Variants in PHF14 observed in about 807,000 individuals in gnomAD.
PHF14 encodes the protein PHD finger protein 14.
PHF14 carries 55 observed loss-of-function variants against 117.9 expected under a neutral mutation model. That is an observed-to-expected ratio of 0.47 (90% CI 0.38 to 0.58). The LOEUF (loss-of-function observed/expected upper bound fraction) is 0.58. Among genes scored for constraint, PHF14 ranks in the 20% least tolerant of loss-of-function variants. The pLI is 0.00. For synonymous variants in PHF14, 409 were observed against 368.6 expected (o/e 1.11, Z -1.26); for missense variants, 978 against 1,122.2 (o/e 0.87, Z 1.84).
intron 17 of PHF14, among the ~76,000 whole-genome samples, chr7:11,127,389 C>A (rs1462140103): frequency 6.6e-6 from 1 of 152,032 alleles, no homozygotes; most frequent in East Asian, 1.9e-4. Flanking sequence ...CCCATCCCAC[C>A]AACGCTGTCC....
intron 2 of PHF14, 25 bp from the exon 3 acceptor site, chr7:10,982,345 GTT>G: frequency 1.5e-6 from 2 of 1,316,896 alleles, no homozygotes; most frequent in South Asian, 1.6e-5. Context: ...CATATGTGTG[GTT>G]TTTTTTTTCT....
chr7:10,982,910 T>G lies in PHF14; in HGVS notation c.651T>G (p.Thr217=), dbSNP rs1405072523. Residue 217 remains threonine, a synonymous_variant, in exon 3 of 18, where the codon ACT becomes ACG. Transcript: ENST00000634607. ...AGGATGACAATGATTGGCGACCTAC[T>G]GTAGTAAAGAGAAAAGGGAGATCTG... ...DSEDDNDWRP[T]VVKRKGRSAS... 6.2e-7 allele frequency: 1 copy of G among 1,612,596 alleles called. No individual in the cohort carries two copies. The highest frequency in any genetic ancestry group is 8.5e-7 in the Non-Finnish European group (1 of 1,179,192).
At chr7:11,153,222 G>A (rs951460221) in intron 17 of PHF14, among the ~76,000 whole-genome samples, 8 of 152,122 alleles carry the variant, frequency 5.3e-5, no homozygotes, top group African/African-American at 1.7e-4. Flanking sequence ...AATTAAGATG[G>A]TAGCAGTGGA....
rs1288480010 is a variant in PHF14 at position 10,990,815 on chromosome 7, A to T, written c.1013A>T (p.Gln338Leu). 6.3e-7 allele frequency: 1 copy of T among 1,591,642 alleles called. No homozygotes were observed. Residue 338 changes from glutamine (Q) to leucine (L), a missense_variant, in exon 4 of 18, where the codon CAG becomes CTG. This residue lies in a region of PHF14 where 86 missense variants were observed against 137.8 expected (regional missense o/e 0.62). Transcript: ENST00000634607. ...AGTGAGGACGCTGATGAAATAATTCAGTGTGACAATTGTGGCATTACAGTC... is the reference window on the plus strand; with the variant it reads ...AGTGAGGACGCTGATGAAATAATTCTGTGTGACAATTGTGGCATTACAGTC... ...DNSEDADEII[Q>L]CDNCGITVHE...
intron 7 of PHF14, among the ~76,000 whole-genome samples, chr7:11,034,627 C>A (rs1370925617): frequency 8.1e-6 from 1 of 123,476 alleles, no homozygotes; most frequent in Admixed American, 1.1e-4. Context: ...CGGTTAATTA[C>A]AACATCTCCC....
chr7:11,136,044 T>C (rs1788212365), intron 17 of PHF14, among the ~76,000 whole-genome samples: 2 of 152,172 alleles, frequency 1.3e-5, no homozygotes, highest in African/African-American at 4.8e-5. Context: ...TTGGTATACA[T>C]AAGTAACATT....
Position 10,983,077 on chromosome 7 carries a change from G to A in PHF14, c.818G>A (p.Ser273Asn), listed in dbSNP as rs1447861008. 2 of 1,599,172 alleles carry A rather than the reference G, an allele frequency of 1.3e-6. No homozygotes were observed. The highest frequency in any genetic ancestry group is 1.7e-6 in the Non-Finnish European group (2 of 1,179,364). ...ASEGGCKKKK[S>N]KVLSRNSADD... is the part of the protein sequence containing the mutation. ...GAAGGGGGTTGCAAGAAGAAGAAGA[G>A]TAAAGTTCTTAGCAGAAACAGTGCT... Residue 273 changes from serine to asparagine, a missense_variant, in exon 3 of 18, where the codon AGT becomes AAT. Physicochemically the swap from Ser to Asn is conservative, Grantham distance 46 (BLOSUM62 1). This residue lies in a region of PHF14 where 414 missense variants were observed against 376.4 expected (regional missense o/e 1.10). Transcript: ENST00000634607.
At chr7:11,073,153 C>T (rs1785688052) in intron 16 of PHF14, among the ~76,000 whole-genome samples, 1 of 152,148 alleles carries the variant, frequency 6.6e-6, no homozygotes, top group Non-Finnish European at 1.5e-5. Flanking sequence ...ATTAACAGTC[C>T]TCCAAAGTCT....
chr7:10,983,216 A>T lies in PHF14; in HGVS notation c.900+57A>T, dbSNP rs942229175. 3 of 1,532,144 alleles carry T rather than the reference A, an allele frequency of 2.0e-6. No homozygotes were observed. In the African/African-American group the frequency reaches 4.1e-5, roughly 21 times the overall value. The allele number at this position is 1,532,144 out of a possible 1,614,324, so 94.9% of individuals were successfully genotyped here. On this transcript the variant is annotated intron_variant, in intron 3 of 17. Transcript: ENST00000634607. ...CTGGGGAAAAGGGAATTCTTCTCTAAATCACTCTACACATTGTATTAAGTG... is the reference window on the plus strand; with the variant it reads ...CTGGGGAAAAGGGAATTCTTCTCTATATCACTCTACACATTGTATTAAGTG...
chr7:11,128,736 C>G (rs768811827), intron 17 of PHF14, among the ~76,000 whole-genome samples: 1 of 151,186 alleles, frequency 6.6e-6, no homozygotes, highest in Admixed American at 6.6e-5. Flanking sequence ...GTTCTCCTTC[C>G]GTCTCTCCCA....
chr7:10,991,131 C>T (rs1782433938), intron 4 of PHF14, among the ~76,000 whole-genome samples: 1 of 151,742 alleles, frequency 6.6e-6, no homozygotes, highest in African/African-American at 2.4e-5. Context: ...GCTGGGACTA[C>T]AGGCGCCCAC....
At chr7:11,131,117 C>A (rs1472111920) in intron 17 of PHF14, among the ~76,000 whole-genome samples, 1 of 151,748 alleles carries the variant, frequency 6.6e-6, no homozygotes, top group Non-Finnish European at 1.5e-5. Context: ...CAAGTTTTGG[C>A]AGTTATGAAT....
intron 4 of PHF14, among the ~76,000 whole-genome samples, chr7:11,006,113 C>G (rs143992271): frequency 5.5e-4 from 84 of 152,244 alleles, no homozygotes; most frequent in Middle Eastern, 3.4e-3. Flanking sequence ...ATTTAAACTT[C>G]TAAAAACCAT....
intron 6 of PHF14, among the ~76,000 whole-genome samples, chr7:11,024,660 A>C (rs888727782): frequency 6.6e-6 from 1 of 152,220 alleles, no homozygotes; most frequent in African/African-American, 2.4e-5. Flanking sequence ...TGTGCACAGC[A>C]CATCTGTGTA....
chr7:11,157,572 G>C (rs955698462), intron 17 of PHF14, among the ~76,000 whole-genome samples: 14 of 152,166 alleles, frequency 9.2e-5, no homozygotes, highest in African/African-American at 2.7e-4. Context: ...TAAAATGTCA[G>C]TATTAATAAG....
At chr7:11,099,506 C>T (rs559497237) in intron 16 of PHF14, among the ~76,000 whole-genome samples, 6 of 152,146 alleles carry the variant, frequency 3.9e-5, no homozygotes, top group African/African-American at 1.4e-4. Flanking sequence ...GCACCTACAG[C>T]AGTGAAATAG....
intron 17 of PHF14, among the ~76,000 whole-genome samples, chr7:11,117,333 A>G (rs1787625452): frequency 6.6e-6 from 1 of 151,776 alleles, no homozygotes; most frequent in Admixed American, 6.6e-5. Flanking sequence ...TGATCTTTCT[A>G]GTATGCTACA....
intron 17 of PHF14, among the ~76,000 whole-genome samples, chr7:11,125,288 C>T (rs1179183014): frequency 3.9e-5 from 6 of 152,050 alleles, no homozygotes; most frequent in African/African-American, 1.2e-4. Context: ...TAACTACAGC[C>T]AGCCACACTC....
chr7:11,144,685 G>A (rs926867823), intron 17 of PHF14, among the ~76,000 whole-genome samples: 2 of 150,962 alleles, frequency 1.3e-5, no homozygotes, highest in African/African-American at 4.9e-5. Flanking sequence ...CAGTAATTTA[G>A]TGTATATTCT....
Sources: gnomAD v4.1 joint callset for allele counts (sites outside exome capture counted in the v4.1 genomes callset) on GRCh38, gnomAD v4.1.1 for gene constraint, gnomAD v4.1.1 regional missense constraint, MANE v1.5 for transcripts, NCBI Gene and HGNC (gene_info 2026-07-23, HGNC 2026-07-21) for gene names.